The following KLF8 variants were observed in gnomAD, a reference collection of about 807,000 sequenced individuals.
KLF8 encodes KLF transcription factor 8, also known as Krueppel-like factor 8.
KLF8 carries 10 observed loss-of-function variants against 18.2 expected under a neutral mutation model. That is an observed-to-expected ratio of 0.55 (90% CI 0.34 to 0.93). KLF8 has a LOEUF of 0.93. Among genes scored for constraint, KLF8 ranks in the 40% least tolerant of loss-of-function variants. The probability of loss-of-function intolerance (pLI) is 0.02; values close to 1 mark genes in which losing one functional copy is unlikely to be tolerated. For synonymous variants in KLF8, 109 were observed against 97.3 expected (o/e 1.12, Z -0.71); for missense variants, 264 against 277.9 (o/e 0.95, Z 0.36).
the KLF8 span, among the ~76,000 whole-genome samples, chrX:55,962,705 C>T: frequency 1.8e-5 from 2 of 112,359 alleles, no homozygotes; most frequent in African/African-American, 6.5e-5. Flanking sequence ...TGGCTCTAAA[C>T]CAAACTCTCC....
At chrX:56,122,100 A>T in the KLF8 span, among the ~76,000 whole-genome samples, 1 of 111,930 alleles carries the variant, frequency 8.9e-6, no homozygotes, top group Non-Finnish European at 1.9e-5. Flanking sequence ...ACTCACTAGG[A>T]CATTAATAAA....
the KLF8 span, among the ~76,000 whole-genome samples, chrX:56,107,279 G>C: frequency 8.9e-6 from 1 of 112,251 alleles, no homozygotes; most frequent in African/African-American, 3.2e-5. Flanking sequence ...ATTTAAGTCT[G>C]CAGAAGTTTC....
chrX:55,948,252 TA>T, the KLF8 span, among the ~76,000 whole-genome samples: 1 of 112,538 alleles, frequency 8.9e-6, no homozygotes, highest in South Asian at 3.7e-4. Flanking sequence ...AATAAAACTT[TA>T]GGCTTTGCAG....
chrX:56,167,409 G>A, the KLF8 span, among the ~76,000 whole-genome samples: 457 of 112,101 alleles, frequency 4.1e-3, 3 homozygotes, highest in African/African-American at 0.014. Context: ...GGATTACGGT[G>A]CAAGCCACCA....
the KLF8 span, among the ~76,000 whole-genome samples, chrX:56,089,401 G>A: frequency 2.7e-5 from 3 of 111,978 alleles, no homozygotes; most frequent in African/African-American, 9.8e-5. Context: ...ATTTGTGTCT[G>A]AAATATTAAA....
chrX:56,027,085 G>A, the KLF8 span, among the ~76,000 whole-genome samples: 112 of 112,866 alleles, frequency 9.9e-4, no homozygotes, highest in African/African-American at 3.5e-3. Flanking sequence ...TATACAGCCA[G>A]CACTACTGTG....
chrX:56,201,424 C>T, the KLF8 span, among the ~76,000 whole-genome samples: 1 of 111,365 alleles, frequency 9.0e-6, no homozygotes, highest in Non-Finnish European at 1.9e-5. Flanking sequence ...CTCATACACA[C>T]AAAAACATGG....
chrX:56,280,648 A>G (rs2067188966), intron 5 of KLF8, among the ~76,000 whole-genome samples: 1 of 112,265 alleles, frequency 8.9e-6, no homozygotes, highest in Non-Finnish European at 1.9e-5. Context: ...TCTTGATTTG[A>G]CATCTCAATC....
chrX:56,034,957 G>T, the KLF8 span, among the ~76,000 whole-genome samples: 9 of 107,887 alleles, frequency 8.3e-5, no homozygotes, highest in South Asian at 2.1e-3. Flanking sequence ...GGGTTTCACC[G>T]TGTTAGCCAG....
At chrX:56,026,236 G>A in the KLF8 span, among the ~76,000 whole-genome samples, 4 of 111,658 alleles carry the variant, frequency 3.6e-5, no homozygotes, top group Admixed American at 9.5e-5. Context: ...CATGGCCGCA[G>A]AGGAGCTACT....
chrX:56,259,713 C>T (rs1011084931), intron 2 of KLF8, among the ~76,000 whole-genome samples: 19 of 110,975 alleles, frequency 1.7e-4, no homozygotes, highest in African/African-American at 5.9e-4. Flanking sequence ...TTTTGTCTCC[C>T]AAACTTCAAT....
chrX:55,935,692 G>A, the KLF8 span, among the ~76,000 whole-genome samples: 1 of 111,979 alleles, frequency 8.9e-6, no homozygotes, highest in Non-Finnish European at 1.9e-5. Context: ...ATTGCAGAAT[G>A]CATATAATGT....
the KLF8 span, among the ~76,000 whole-genome samples, chrX:55,947,554 G>A: frequency 1.8e-5 from 2 of 108,867 alleles, no homozygotes; most frequent in African/African-American, 6.8e-5. Context: ...GAGTTAATGG[G>A]TGCAGCACAC....
intron 1 of KLF8, among the ~76,000 whole-genome samples, chrX:56,235,856 AAT>A (rs1178040346): frequency 2.7e-5 from 3 of 112,323 alleles, no homozygotes; most frequent in East Asian, 2.8e-4. Flanking sequence ...CCTGATATCT[AAT>A]ATGTTTCATA....
chrX:56,003,220 G>A, the KLF8 span, among the ~76,000 whole-genome samples: 1,105 of 109,668 alleles, frequency 0.01, 7 homozygotes, highest in Middle Eastern at 0.023. Flanking sequence ...GTGAAACCCC[G>A]CCTCTACTAA....
the KLF8 span, among the ~76,000 whole-genome samples, chrX:55,952,795 G>T: frequency 8.9e-6 from 1 of 111,959 alleles, no homozygotes; most frequent in Non-Finnish European, 1.9e-5. Context: ...ATTTACTTAT[G>T]TCCTCTATAA....
chrX:56,076,738 C>A, the KLF8 span, among the ~76,000 whole-genome samples: 3 of 111,764 alleles, frequency 2.7e-5, no homozygotes, highest in Non-Finnish European at 5.6e-5. Flanking sequence ...AATGGTTGAA[C>A]TAGTTCACAG....
the KLF8 span, among the ~76,000 whole-genome samples, chrX:56,046,518 C>T: frequency 3.6e-5 from 4 of 109,924 alleles, no homozygotes; most frequent in South Asian, 1.2e-3. Context: ...GAGATTTATG[C>T]GTTAAGGAGG....
the KLF8 span, among the ~76,000 whole-genome samples, chrX:56,129,231 C>T: frequency 8.9e-6 from 1 of 112,300 alleles, no homozygotes; most frequent in Non-Finnish European, 1.9e-5. Context: ...ACATCATGAA[C>T]TTTCACTCAA....
Sources: allele counts gnomAD v4.1 joint callset (sites outside exome capture counted in the v4.1 genomes callset), GRCh38; gene constraint gnomAD v4.1.1; transcripts MANE v1.5; gene names NCBI Gene and HGNC (gene_info 2026-07-23, HGNC 2026-07-21).